CELF2: variants seen among roughly 807,000 people sequenced by gnomAD.
CELF2 encodes CUGBP Elav-like family member 2.
CELF2 carries 8 observed loss-of-function variants against 62.6 expected under a neutral mutation model. That is an observed-to-expected ratio of 0.13 (90% CI 0.07 to 0.23). The LOEUF (loss-of-function observed/expected upper bound fraction) is 0.23. CELF2 is among the 10% of genes least tolerant of loss of function. The pLI, the probability that CELF2 is intolerant of heterozygous loss-of-function variation, is 1.00. For synonymous variants in CELF2, 258 were observed against 250.0 expected (o/e 1.03, Z -0.30); for missense variants, 333 against 671.0 (o/e 0.50, Z 5.56).
chr10:10,790,584 G>C, the CELF2 span, among the ~76,000 whole-genome samples: 1 of 152,032 alleles, frequency 6.6e-6, no homozygotes, highest in Non-Finnish European at 1.5e-5. Context: ...AGATATTACG[G>C]CAAGCAAGTG....
In CELF2 at chr10:11,244,858, C is replaced by A. The variant is rs1340840252; in HGVS notation, c.355-4295C>A. Among the ~76,000 whole-genome samples, 1 of 152,174 alleles carries A rather than the reference C, an allele frequency of 6.6e-6. No homozygotes were observed. The highest frequency in any genetic ancestry group is 1.5e-5 in the Non-Finnish European group (1 of 68,024). ...GGATTGCTTTGAGAATGAATGCAGACATAGCTTCATCTGAGACGCCTTCCC... is the reference window on the plus strand; with the variant it reads ...GGATTGCTTTGAGAATGAATGCAGAAATAGCTTCATCTGAGACGCCTTCCC... On this transcript the variant is annotated intron_variant, in intron 3 of 12. Transcript: ENST00000633077. This position sits in a 1 kb window ranked among gnomAD's most constrained non-coding sequence, Gnocchi z 4.2.
intron 1 of CELF2, among the ~76,000 whole-genome samples, chr10:11,124,063 C>T (rs780967880): frequency 1.3e-5 from 2 of 152,130 alleles, no homozygotes; most frequent in South Asian, 4.1e-4. Context: ...GGGGAATTCC[C>T]GTGTATAAAA....
At chr10:10,750,340 G>C in the CELF2 span, among the ~76,000 whole-genome samples, 1 of 151,888 alleles carries the variant, frequency 6.6e-6, no homozygotes, top group South Asian at 2.1e-4. Context: ...GAAAGGATCA[G>C]TCCTACTATT....
At chr10:10,754,452 A>C in the CELF2 span, among the ~76,000 whole-genome samples, 2 of 152,066 alleles carry the variant, frequency 1.3e-5, no homozygotes, top group African/African-American at 4.8e-5. Context: ...ACGCTAACCA[A>C]ACAGAAGCAC....
At chr10:11,089,842 T>TA (rs1168695955) in intron 1 of CELF2, among the ~76,000 whole-genome samples, 3 of 151,826 alleles carry the variant, frequency 2.0e-5, no homozygotes, top group Middle Eastern at 3.2e-3. Context: ...TTCGTTGCCA[T>TA]AAAAAAAAGC....
Position 11,331,746 on chromosome 10 carries a change from TTTAACCACTCCG to T in CELF2, c.*2694_*2705del, listed in dbSNP as rs2096026490. On this transcript the variant is annotated 3_prime_UTR_variant, in exon 13 of 13. Coordinates refer to ENST00000633077, the MANE Select transcript of CELF2 (RefSeq NM_001326342.2). ...TGTATAAGTGCCCATGTCCCACTTT[TTTAACCACTCCG>T]CACATCAGTGCTGTGAAGGCAACCT... is the stretch of plus-strand genomic sequence containing the variant. The T allele has an allele frequency of 6.6e-6, 1 of 152,666 alleles. No homozygotes were observed. Among genetic ancestry groups the T allele is most frequent in the Non-Finnish European group, 1.5e-5 (1 of 68,040 alleles). 9.5% of individuals were successfully genotyped at this position (152,666 alleles called of 1,614,324 possible).
chr10:10,561,544 A>G, the CELF2 span, among the ~76,000 whole-genome samples: 1 of 152,242 alleles, frequency 6.6e-6, no homozygotes, highest in Non-Finnish European at 1.5e-5. Flanking sequence ...GACATTAAGT[A>G]TCTTGGATTT....
Position 11,237,448 on chromosome 10 carries a change from T to A in CELF2, c.355-11705T>A, listed in dbSNP as rs750731584. The stretch of plus-strand genomic sequence containing the variant: ...CTGGAAGAGTCTGAGTAGTAGGTCA[T>A]CCTGGGAAGCAGTGTAAGAGATCAG... On this transcript the variant is annotated intron_variant, in intron 3 of 12. Transcript: ENST00000633077. This position sits in a 1 kb window ranked among gnomAD's most constrained non-coding sequence, Gnocchi z 4.0. Among the ~76,000 whole-genome samples, 10 of 152,098 alleles carry A rather than the reference T, an allele frequency of 6.6e-5. No homozygotes were observed. The highest frequency in any genetic ancestry group is 1.5e-4 in the Non-Finnish European group (10 of 68,022).
At chr10:10,930,734 AT>A (rs549947027) in intron 2 of CELF2, among the ~76,000 whole-genome samples, 1 of 152,116 alleles carries the variant, frequency 6.6e-6, no homozygotes, top group African/African-American at 2.4e-5. Flanking sequence ...TGGGTGAATA[AT>A]TTTTTTCCAT....
chr10:10,908,214 ATTTTTTTT>A (rs796857171), intron 1 of CELF2, among the ~76,000 whole-genome samples: 2 of 83,738 alleles, frequency 2.4e-5, no homozygotes, highest in African/African-American at 9.7e-5. Flanking sequence ...GTATGAGGGG[ATTTTTTTT>A]TTTTTTTTTT....
chr10:11,063,857 A>G (rs777731859), intron 1 of CELF2, among the ~76,000 whole-genome samples: 16 of 152,196 alleles, frequency 1.1e-4, no homozygotes, highest in African/African-American at 3.9e-4. Flanking sequence ...TGGACTCTCT[A>G]AAAGGTGACA....
intron 9 of CELF2, 52 bp downstream of exon 9, chr10:11,288,604 G>T (rs759754863): frequency 3.1e-6 from 5 of 1,599,192 alleles, no homozygotes; most frequent in Non-Finnish European, 4.3e-6. Context: ...GGAGTGGCAG[G>T]TAGGTTTCCG....
chr10:10,920,955 T>C (rs2134696200), intron 2 of CELF2, among the ~76,000 whole-genome samples: 1 of 152,194 alleles, frequency 6.6e-6, no homozygotes, highest in East Asian at 1.9e-4. Flanking sequence ...GTTGTTGTTG[T>C]TGTTGTTGTT....
chr10:10,975,159 C>T (rs1423206351), intron 2 of CELF2, among the ~76,000 whole-genome samples: 1 of 152,158 alleles, frequency 6.6e-6, no homozygotes, highest in Non-Finnish European at 1.5e-5. Context: ...GCTCTGTCAC[C>T]CAGTCTGCAG....
chr10:10,750,259 C>T, the CELF2 span, among the ~76,000 whole-genome samples: 318 of 148,644 alleles, frequency 2.1e-3, 1 homozygote, highest in African/African-American at 7.1e-3. Flanking sequence ...TCCAGCCTGG[C>T]GACGGAGTGA....
chr10:10,535,266 C>A, the CELF2 span, among the ~76,000 whole-genome samples: 1 of 152,136 alleles, frequency 6.6e-6, no homozygotes, highest in Non-Finnish European at 1.5e-5. Context: ...AGGATGAACA[C>A]CTACAGCTGT....
At chr10:10,705,366 T>TAAAA in the CELF2 span, among the ~76,000 whole-genome samples, 64 of 134,026 alleles carry the variant, frequency 4.8e-4, no homozygotes, top group African/African-American at 1.5e-3. Flanking sequence ...CCTTCCCTAT[T>TAAAA]AAAAAAAAAA....
At chr10:11,174,702 G>A in intron 2 of CELF2, among the ~76,000 whole-genome samples, 1 of 152,194 alleles carries the variant, frequency 6.6e-6, no homozygotes, top group South Asian at 2.1e-4. Context: ...AAATTCTGCA[G>A]CTTTACCCGC....
At position 11,165,388 on chromosome 10, in the gene CELF2, T is replaced by A. The variant is rs998992759; in HGVS notation, c.75-98T>A. On this transcript the variant is annotated intron_variant, in intron 1 of 12. Transcript: ENST00000633077. This position sits in a 1 kb window ranked among gnomAD's most constrained non-coding sequence, Gnocchi z 7.4. ...GGCACTTTGCCACTGCTCTTCTTCC[T>A]CCTCCTTCCGCCTCCCCGCTCCCCC... The A allele has an allele frequency of 7.5e-5, 114 of 1,528,980 alleles. No homozygotes were observed. Among genetic ancestry groups the A allele is most frequent in the Middle Eastern group, 1.8e-4 (1 of 5,664 alleles). The allele number at this position is 1,528,980 out of a possible 1,614,324, so 94.7% of individuals were successfully genotyped here.
Sources: allele counts gnomAD v4.1 joint callset (sites outside exome capture counted in the v4.1 genomes callset), GRCh38; gene constraint gnomAD v4.1.1; non-coding constraint Gnocchi (gnomAD v3.1); transcripts MANE v1.5; gene names NCBI Gene and HGNC (gene_info 2026-07-23, HGNC 2026-07-21).